Variants in PCSK2 observed in about 807,000 individuals in gnomAD.
PCSK2 encodes the protein proprotein convertase subtilisin/kexin type 2.
PCSK2 carries 14 observed loss-of-function variants against 69.7 expected under a neutral mutation model. That is an observed-to-expected ratio of 0.20 (90% CI 0.13 to 0.31). The LOEUF (loss-of-function observed/expected upper bound fraction) is 0.31. PCSK2 is among the 10% of genes least tolerant of loss of function. The pLI is 1.00. For synonymous variants in PCSK2, 307 were observed against 320.7 expected (o/e 0.96, Z 0.46); for missense variants, 544 against 842.5 (o/e 0.65, Z 4.39).
chr20:17,458,605 C>T (rs888067016), intron 10 of PCSK2, among the ~76,000 whole-genome samples: 33 of 152,182 alleles, frequency 2.2e-4, no homozygotes, highest in Admixed American at 1.8e-3. Flanking sequence ...AGTCCCAAAG[C>T]TCATCTCTCT....
In PCSK2 at chr20:17,436,781, G is replaced by A; in HGVS notation, c.783G>A (p.Leu261=). 6.2e-7 allele frequency: 1 copy of A among 1,614,086 alleles called. No homozygotes were observed. Among genetic ancestry groups the A allele is most frequent in the Non-Finnish European group, 8.5e-7 (1 of 1,180,008 alleles). The change falls in exon 8 of 12, where the codon CTG becomes CTA. Residue 261 remains leucine, a synonymous_variant. Transcript: ENST00000262545. ...EASSISHMPQ[L]IDIYSASWGP... ...CCTCCATCAGTCATATGCCACAGCT[G>A]ATTGACATCTACAGCGCCAGCTGGG...
intron 11 of PCSK2, chr20:17,479,176 CA>C: frequency 7.9e-6 from 11 of 1,385,222 alleles, no homozygotes; most frequent in South Asian, 1.2e-5. Context: ...TGTGGTATCC[CA>C]AAAACAGGAG....
chr20:17,315,838 C>T (rs1439528964), intron 2 of PCSK2, among the ~76,000 whole-genome samples: 5 of 152,222 alleles, frequency 3.3e-5, no homozygotes, highest in Non-Finnish European at 7.3e-5. Flanking sequence ...GCTTCACCCC[C>T]GGCCGGTGTG....
At position 17,409,273 on chromosome 20, in the gene PCSK2, C is replaced by G; in HGVS notation, c.554C>G (p.Ala185Gly). Residue 185 changes from alanine to glycine, a missense_variant, in exon 6 of 12, where the codon GCA (alanine) becomes GGA (glycine). Ala to Gly is a moderately conservative substitution (Grantham distance 60). This residue lies in a region of PCSK2 where 187 missense variants were observed against 399.8 expected (regional missense o/e 0.47). Transcript: ENST00000262545. Reference sequence around the variant, plus strand: ...CCTTGTGTTTTTCAGAATGCCGAAGCAAGTTACGACTTCAGCAGCAACGAC... The same window carrying G: ...CCTTGTGTTTTTCAGAATGCCGAAGGAAGTTACGACTTCAGCAGCAACGAC... ...PDLASNYNAE[A>G]SYDFSSNDPY... is the part of the protein sequence containing the mutation. 1.2e-6 allele frequency: 2 copies of G among 1,613,692 alleles called. No homozygotes were observed. Among genetic ancestry groups the G allele is most frequent in the Admixed American group, 1.7e-5 (1 of 60,016 alleles).
At chr20:17,480,812 G>A (rs998751507) in intron 11 of PCSK2, among the ~76,000 whole-genome samples, 1 of 152,132 alleles carries the variant, frequency 6.6e-6, no homozygotes, top group Non-Finnish European at 1.5e-5. Flanking sequence ...GAGAAACCGG[G>A]GTAAAAACCT....
chr20:17,253,695 T>C (rs576620934), intron 1 of PCSK2, among the ~76,000 whole-genome samples: 1 of 152,354 alleles, frequency 6.6e-6, no homozygotes, highest in South Asian at 2.1e-4. Context: ...TGTGTAAATG[T>C]ATGTTTTCAT....
At chr20:17,380,201 TA>T (rs951597984) in intron 5 of PCSK2, among the ~76,000 whole-genome samples, 1 of 152,212 alleles carries the variant, frequency 6.6e-6, no homozygotes, top group Non-Finnish European at 1.5e-5. Context: ...TATACAGCAA[TA>T]AAAAAACTAA....
chr20:17,273,846 G>A (rs1987957043), intron 2 of PCSK2, among the ~76,000 whole-genome samples: 3 of 152,266 alleles, frequency 2.0e-5, no homozygotes, highest in South Asian at 2.1e-4. Flanking sequence ...GCTGTTGAAA[G>A]TTTCACCATC....
At chr20:17,447,745 A>T (rs2032728971) in intron 8 of PCSK2, among the ~76,000 whole-genome samples, 1 of 152,242 alleles carries the variant, frequency 6.6e-6, no homozygotes, top group African/African-American at 2.4e-5. Flanking sequence ...TGTACATTCA[A>T]GAAGAGGTGT....
chr20:17,356,225 G>A (rs910593740), intron 2 of PCSK2, among the ~76,000 whole-genome samples: 15 of 151,684 alleles, frequency 9.9e-5, no homozygotes, highest in African/African-American at 3.6e-4. Context: ...CCAAATTTTT[G>A]CCGTTATAAA....
chr20:17,286,210 C>T (rs1404257458), intron 2 of PCSK2, among the ~76,000 whole-genome samples: 1 of 152,164 alleles, frequency 6.6e-6, no homozygotes, highest in Non-Finnish European at 1.5e-5. Context: ...TTGCCAAAAA[C>T]TAGCAATAAA....
chr20:17,281,330 T>C (rs574581138), intron 2 of PCSK2, among the ~76,000 whole-genome samples: 12 of 152,306 alleles, frequency 7.9e-5, no homozygotes, highest in African/African-American at 2.9e-4. Context: ...CTGGCCCTGA[T>C]GAAGAATGCA....
intron 2 of PCSK2, among the ~76,000 whole-genome samples, chr20:17,278,050 C>A (rs1988158577): frequency 6.6e-6 from 1 of 152,056 alleles, no homozygotes; most frequent in East Asian, 1.9e-4. Context: ...GAATGGTGAT[C>A]ATTAAAAAGT....
At chr20:17,233,240 A>C (rs1045728499) in intron 1 of PCSK2, among the ~76,000 whole-genome samples, 5 of 152,190 alleles carry the variant, frequency 3.3e-5, no homozygotes, top group African/African-American at 1.2e-4. Context: ...GTCTTCTGAA[A>C]ATGGTTAATA....
intron 2 of PCSK2, among the ~76,000 whole-genome samples, chr20:17,289,879 T>C (rs1988640463): frequency 6.6e-6 from 1 of 152,202 alleles, no homozygotes; most frequent in East Asian, 1.9e-4. Context: ...TTGTAGTAAA[T>C]GAGATTCAAA....
At chr20:17,301,657 G>T (rs1371217141) in intron 2 of PCSK2, among the ~76,000 whole-genome samples, 2 of 152,136 alleles carry the variant, frequency 1.3e-5, no homozygotes, top group Middle Eastern at 3.4e-3. Flanking sequence ...TTATGACCAG[G>T]CACGGTGGCT....
intron 6 of PCSK2, among the ~76,000 whole-genome samples, chr20:17,428,134 C>G (rs762523346): frequency 2.6e-5 from 4 of 152,158 alleles, no homozygotes; most frequent in African/African-American, 9.7e-5. Flanking sequence ...TCCTCTCCCC[C>G]GCTTAAGGGC....
intron 2 of PCSK2, among the ~76,000 whole-genome samples, chr20:17,342,179 CAT>C (rs1251617649): frequency 1.3e-5 from 2 of 149,284 alleles, no homozygotes; most frequent in Admixed American, 6.8e-5. Flanking sequence ...TACACACACA[CAT>C]ACAGCAAAAT....
At chr20:17,455,120 T>C (rs1349655373) in intron 9 of PCSK2, among the ~76,000 whole-genome samples, 1 of 151,892 alleles carries the variant, frequency 6.6e-6, no homozygotes, top group Non-Finnish European at 1.5e-5. Flanking sequence ...GCCTGAAAGC[T>C]CCACTCCCTA....
Sources: allele counts gnomAD v4.1 joint callset (sites outside exome capture counted in the v4.1 genomes callset), GRCh38; gene constraint gnomAD v4.1.1; regional missense constraint gnomAD v4.1.1; transcripts MANE v1.5; gene names NCBI Gene and HGNC (gene_info 2026-07-23, HGNC 2026-07-21).